Variants in BMERB1 observed in about 807,000 individuals in gnomAD.
BMERB1 encodes bMERB domain-containing protein 1.
Under a neutral mutation model 23.6 loss-of-function variants are expected in BMERB1, and 12 were observed. The ratio of observed to expected loss-of-function variants is 0.51; its 90% CI spans 0.33 to 0.82. BMERB1 has a LOEUF of 0.82. Among genes scored for constraint, BMERB1 ranks in the 40% least tolerant of loss-of-function variants. The pLI is 0.03. For missense variants in BMERB1, 247 were observed against 255.4 expected, an observed-to-expected ratio of 0.97 and a Z score of 0.22; for synonymous variants, 122 against 96.6, an observed-to-expected ratio of 1.26 and a Z score of -1.54.
chr16:15,526,590 G>C (rs1173452173), intron 2 of BMERB1, among the ~76,000 whole-genome samples: 1 of 150,936 alleles, frequency 6.6e-6, no homozygotes, highest in Non-Finnish European at 1.5e-5. Context: ...CTTGAACCCA[G>C]GAGGTGGAGG....
intron 1 of BMERB1, among the ~76,000 whole-genome samples, chr16:15,458,365 C>G (rs1429988668): frequency 6.6e-6 from 1 of 152,086 alleles, no homozygotes; most frequent in Non-Finnish European, 1.5e-5. Context: ...CAGATGTTTG[C>G]TGAATCTTTG....
intron 3 of BMERB1, among the ~76,000 whole-genome samples, chr16:15,578,966 C>A (rs969772795): frequency 2.0e-5 from 3 of 152,188 alleles, no homozygotes; most frequent in Non-Finnish European, 4.4e-5. Flanking sequence ...AGTCATAGGT[C>A]TGTGAGCTGA....
At position 15,586,019 on chromosome 16, in the gene BMERB1, G is replaced by A. The variant is rs189594128; in HGVS notation, c.503-698G>A. ...AAAACCCAAAATGAAATAGTAAGAT[G>A]CTATGAAAAAAGAATAAGTAGACAT... On this transcript the variant is annotated intron_variant, in intron 5 of 5. Transcript: ENST00000300006. 7.2e-4 allele frequency among the ~76,000 whole-genome samples: 110 copies of A among 152,174 alleles called. 1 individual carries two copies. The highest frequency in any genetic ancestry group is 2.6e-3 in the African/African-American group (107 of 41,536).
chr16:15,459,270 C>T (rs1464812691), intron 1 of BMERB1, among the ~76,000 whole-genome samples: 1 of 151,650 alleles, frequency 6.6e-6, no homozygotes, highest in African/African-American at 2.4e-5. Flanking sequence ...GTAAATCCAA[C>T]CACATCAATA....
At chr16:15,500,317 A>ACAG (rs1344231294) in intron 1 of BMERB1, among the ~76,000 whole-genome samples, 1 of 152,068 alleles carries the variant, frequency 6.6e-6, no homozygotes, top group Non-Finnish European at 1.5e-5. Flanking sequence ...GGGTTTCCTC[A>ACAG]CAGTCCCTGC....
At chr16:15,457,259 T>A (rs897573304) in intron 1 of BMERB1, among the ~76,000 whole-genome samples, 1 of 152,174 alleles carries the variant, frequency 6.6e-6, no homozygotes, top group Non-Finnish European at 1.5e-5. Flanking sequence ...CTAATTAACT[T>A]GAGGAAGAAA....
chr16:15,457,212 T>G (rs1211521865), intron 1 of BMERB1, among the ~76,000 whole-genome samples: 1 of 152,236 alleles, frequency 6.6e-6, no homozygotes, highest in African/African-American at 2.4e-5. Flanking sequence ...AAATCTGAAT[T>G]CACTTTATGG....
chr16:15,445,299 A>G lies in BMERB1; in HGVS notation c.106+10540A>G, dbSNP rs562018538. Among the ~76,000 whole-genome samples, 3 of 152,306 alleles carry G rather than the reference A, an allele frequency of 2.0e-5. No individual in the cohort carries two copies. The East Asian group carries it at 5.8e-4, about 29-fold the overall frequency. ...TGAGACACAGATTGGAAATCATTCAATACAGAGGTCAGTACATGATACATG... is the reference window on the plus strand; with the variant it reads ...TGAGACACAGATTGGAAATCATTCAGTACAGAGGTCAGTACATGATACATG... On this transcript the variant is annotated intron_variant, in intron 1 of 5. Transcript: ENST00000300006.
At chr16:15,542,493 T>C (rs1294254421) in intron 2 of BMERB1, among the ~76,000 whole-genome samples, 1 of 152,112 alleles carries the variant, frequency 6.6e-6, no homozygotes, top group Non-Finnish European at 1.5e-5. Context: ...CAATGGGGAT[T>C]GCTATGGATA....
chr16:15,441,084 A>G (rs2050935558), intron 1 of BMERB1, among the ~76,000 whole-genome samples: 1 of 152,238 alleles, frequency 6.6e-6, no homozygotes, highest in South Asian at 2.1e-4. Context: ...CAGATGAATC[A>G]GAGGGAAGCC....
intron 1 of BMERB1, among the ~76,000 whole-genome samples, chr16:15,482,753 C>A (rs554052704): frequency 3.9e-5 from 6 of 152,074 alleles, no homozygotes; most frequent in Non-Finnish European, 8.8e-5. Flanking sequence ...GCATTTATTG[C>A]CTGTGTTCTT....
chr16:15,475,900 T>C (rs910644797), intron 1 of BMERB1, among the ~76,000 whole-genome samples: 1 of 152,176 alleles, frequency 6.6e-6, no homozygotes, highest in African/African-American at 2.4e-5. Context: ...AGAGTTTTTA[T>C]TGGGGCTCAG....
chr16:15,571,213 G>T (rs1178792870), intron 3 of BMERB1, among the ~76,000 whole-genome samples: 1 of 152,122 alleles, frequency 6.6e-6, no homozygotes, highest in African/African-American at 2.4e-5. Context: ...GTCTATAGAT[G>T]TACAGATGTT....
intron 1 of BMERB1, chr16:15,502,366 T>G: frequency 1.3e-6 from 2 of 1,548,846 alleles, no homozygotes; most frequent in South Asian, 1.2e-5. Flanking sequence ...GACGGCGGAG[T>G]GCAAAGAAAG....
intron 3 of BMERB1, among the ~76,000 whole-genome samples, chr16:15,580,409 C>G (rs923250587): frequency 3.3e-5 from 5 of 151,952 alleles, no homozygotes; most frequent in Admixed American, 1.3e-4. Context: ...CAGCCCATTA[C>G]TCCCATTTTA....
intron 1 of BMERB1, among the ~76,000 whole-genome samples, chr16:15,476,041 GC>G (rs548553017): frequency 1.3e-5 from 2 of 151,946 alleles, no homozygotes; most frequent in African/African-American, 4.8e-5. Context: ...GTGGTCTAAA[GC>G]CCCCCTGTGA....
intron 1 of BMERB1, among the ~76,000 whole-genome samples, chr16:15,508,471 A>G (rs1247005946): frequency 1.3e-5 from 2 of 152,086 alleles, no homozygotes; most frequent in East Asian, 3.9e-4. Context: ...TACTTACAAC[A>G]TCAAGCATGG....
At chr16:15,562,137 G>A (rs1024093747) in intron 2 of BMERB1, among the ~76,000 whole-genome samples, 8 of 148,476 alleles carry the variant, frequency 5.4e-5, no homozygotes, top group African/African-American at 1.5e-4. Context: ...GTGAAATCTC[G>A]TCCAAAAAAA....
intron 3 of BMERB1, 113 bp downstream of exon 3, chr16:15,568,169 C>T (rs994187105): frequency 1.2e-6 from 1 of 802,328 alleles, no homozygotes; most frequent in Non-Finnish European, 2.0e-6. Context: ...ATGCAGTGCT[C>T]CCTGACTGCA....
Sources: gnomAD v4.1 joint callset for allele counts (sites outside exome capture counted in the v4.1 genomes callset) on GRCh38, gnomAD v4.1.1 for gene constraint, MANE v1.5 for transcripts, NCBI Gene and HGNC (gene_info 2026-07-23, HGNC 2026-07-21) for gene names.